PROM1: variants seen among roughly 807,000 people sequenced by gnomAD.
PROM1 encodes prominin 1.
PROM1 carries 105 observed loss-of-function variants against 116.9 expected under a neutral mutation model. The observed-to-expected ratio is 0.90, with a 90% CI of 0.77 to 1.06. The LOEUF (loss-of-function observed/expected upper bound fraction) is 1.06. Ranked by LOEUF, PROM1 falls within the 50% of genes least tolerant of loss-of-function variation. The pLI, the probability that PROM1 is intolerant of heterozygous loss-of-function variation, is 0.00. For synonymous variants in PROM1, 393 were observed against 387.0 expected (o/e 1.02, Z -0.18); for missense variants, 1,122 against 1,045.2 (o/e 1.07, Z -1.01).
chr4:15,981,568 T>C (rs1577810024), intron 23 of PROM1, among the ~76,000 whole-genome samples: 2 of 137,468 alleles, frequency 1.5e-5, no homozygotes, highest in Non-Finnish European at 3.1e-5. Flanking sequence ...CGAGACTCTA[T>C]CTCAAAAAAA....
intron 11 of PROM1, among the ~76,000 whole-genome samples, chr4:16,012,608 C>T (rs1053312998): frequency 5.9e-5 from 9 of 152,126 alleles, no homozygotes; most frequent in East Asian, 3.9e-4. Flanking sequence ...CGGTGGCTCA[C>T]GCCTATAATC....
At chr4:16,016,917 T>C (rs1728544148) in intron 9 of PROM1, among the ~76,000 whole-genome samples, 5 of 152,138 alleles carry the variant, frequency 3.3e-5, no homozygotes, top group Admixed American at 3.3e-4. Flanking sequence ...TAAATGACAA[T>C]GTGTGATCCT....
chr4:15,984,637 C>A (rs1718865939), intron 22 of PROM1, among the ~76,000 whole-genome samples: 2 of 152,130 alleles, frequency 1.3e-5, no homozygotes, highest in Admixed American at 6.6e-5. Context: ...CTGAGCTCCA[C>A]CTCCTGTCAG....
At chr4:16,012,244 G>A (rs908272844) in intron 11 of PROM1, among the ~76,000 whole-genome samples, 1 of 152,098 alleles carries the variant, frequency 6.6e-6, no homozygotes, top group South Asian at 2.1e-4. Flanking sequence ...TGACCTACCC[G>A]CCTTGGCCTC....
chr4:16,041,769 A>ATATAT (rs1735305259), intron 2 of PROM1, among the ~76,000 whole-genome samples: 2 of 40,136 alleles, frequency 5.0e-5, no homozygotes, highest in African/African-American at 1.6e-4. Context: ...TAAATAAATA[A>ATATAT]ATAAATAAAT....
At chr4:15,988,224 C>T (rs1435996242) in intron 19 of PROM1, among the ~76,000 whole-genome samples, 1 of 152,156 alleles carries the variant, frequency 6.6e-6, no homozygotes, top group Non-Finnish European at 1.5e-5. Flanking sequence ...CTGAAGAAAA[C>T]ATTGGATACA....
In PROM1 at chr4:16,075,958, G is replaced by C. The variant is rs538003889; in HGVS notation, c.-52C>G. 126 of 1,521,584 alleles carry C rather than the reference G, an allele frequency of 8.3e-5. No individual in the cohort carries two copies. The South Asian group carries it at 1.5e-3, about 18-fold the overall frequency. The allele number at this position is 1,521,584 out of a possible 1,614,324, so 94.3% of individuals were successfully genotyped here. A position where few individuals can be genotyped will look rare whatever the true frequency, so the allele number is the denominator to read the frequency against. ...GTAGAACTTGGTGCCTCCTGCCTCAGAGCTTCTGGAAGCCTTGGGGAAGGC... is the reference window on the plus strand; with the variant it reads ...GTAGAACTTGGTGCCTCCTGCCTCACAGCTTCTGGAAGCCTTGGGGAAGGC... On this transcript the variant is annotated 5_prime_UTR_variant, in exon 2 of 28. Coordinates refer to ENST00000447510, the MANE Select transcript of PROM1 (RefSeq NM_006017.3).
chr4:15,985,258 T>G (rs1056931519), intron 22 of PROM1, among the ~76,000 whole-genome samples: 1 of 152,128 alleles, frequency 6.6e-6, no homozygotes, highest in Non-Finnish European at 1.5e-5. Context: ...AACTATATCT[T>G]TTATATAAGG....
chr4:16,012,848 GCGACAGAGCGAGACTCTGTCTCA>G (rs982833219), intron 11 of PROM1, among the ~76,000 whole-genome samples: 9 of 139,048 alleles, frequency 6.5e-5, no homozygotes, highest in Non-Finnish European at 9.1e-5. Context: ...TCCAGCCTGA[GCGACAGAGCGAGACTCTGTCTCA>G]AAAAAAAAAA....
chr4:16,037,824 T>G (rs771945493), intron 3 of PROM1, among the ~76,000 whole-genome samples: 4 of 152,210 alleles, frequency 2.6e-5, no homozygotes, highest in Non-Finnish European at 4.4e-5. Flanking sequence ...AAGACCATTC[T>G]CCTGTTTAGG....
At chr4:16,027,297 A>AACAC (rs144910885) in intron 5 of PROM1, among the ~76,000 whole-genome samples, 183 of 147,230 alleles carry the variant, frequency 1.2e-3, no homozygotes, top group South Asian at 2.6e-3. Context: ...GTGAAGAAGA[A>AACAC]ACACACACAC....
chr4:15,983,374 T>C (rs189976776), intron 23 of PROM1, among the ~76,000 whole-genome samples: 2 of 139,204 alleles, frequency 1.4e-5, no homozygotes. Context: ...CTCAGAAAAT[T>C]TCAGGAATTT....
chr4:16,021,224 T>C (rs1729782904), intron 8 of PROM1, among the ~76,000 whole-genome samples: 1 of 151,114 alleles, frequency 6.6e-6, no homozygotes, highest in African/African-American at 2.4e-5. Flanking sequence ...ACTTTAATAA[T>C]AACACACGAG....
Position 16,013,309 on chromosome 4 carries a change from G to T in PROM1, c.1107C>A (p.Asp369Glu). ...CAGTCGTGGTTTGGCGTTGTACTCTGTCAGGTATATCATTAAGGGATTGAT... is the reference window on the plus strand; with the variant it reads ...CAGTCGTGGTTTGGCGTTGTACTCTTTCAGGTATATCATTAAGGGATTGAT... Reference protein sequence around the residue: ...QGYQSLNDIPDRVQRQTTTVV... With the variant: ...QGYQSLNDIPERVQRQTTTVV... Residue 369 changes from aspartate to glutamate, a missense_variant, in exon 11 of 28, where the codon GAC (aspartate) becomes GAA (glutamate). Asp to Glu is a conservative substitution (Grantham distance 45, BLOSUM62 2). Coordinates refer to ENST00000447510, the MANE Select transcript of PROM1 (RefSeq NM_006017.3). The T allele has an allele frequency of 6.2e-7, 1 of 1,608,556 alleles. No homozygotes were observed. Among genetic ancestry groups the T allele is most frequent in the Non-Finnish European group, 8.5e-7 (1 of 1,174,932 alleles).
intron 26 of PROM1, chr4:15,971,336 A>C (rs1437367308): frequency 4.3e-6 from 2 of 462,706 alleles, no homozygotes; most frequent in Non-Finnish European, 7.8e-6. Context: ...GAATATTCAC[A>C]ATCTAAGGTT....
At chr4:15,991,128 G>T in intron 18 of PROM1, 94 bp downstream of exon 18, 1 of 976,182 alleles carries the variant, frequency 1.0e-6, no homozygotes, top group Non-Finnish European at 1.5e-6. Context: ...ATTACTCACA[G>T]TGTGAGGAAC....
At position 16,052,643 on chromosome 4, in the gene PROM1, G is replaced by C. The variant is rs561171357; in HGVS notation, c.221-13642C>G. ...CAGGTGCACAACACCAACATGCCTG[G>C]CTAATGTTTGTATTTTTTCTAGAAA... On this transcript the variant is annotated intron_variant, in intron 2 of 27. Transcript: ENST00000447510. Among the ~76,000 whole-genome samples, 8 of 152,166 alleles carry C rather than the reference G, an allele frequency of 5.3e-5. No individual in the cohort carries two copies. The South Asian group carries it at 1.7e-3, about 32-fold the overall frequency.
chr4:16,002,244 A>C (rs1454147479), intron 13 of PROM1, among the ~76,000 whole-genome samples: 1 of 152,210 alleles, frequency 6.6e-6, no homozygotes, highest in East Asian at 1.9e-4. Context: ...GGAAGAAAAC[A>C]AAAGAAATAA....
chr4:16,015,461 G>C (rs1728122448), intron 10 of PROM1, among the ~76,000 whole-genome samples: 1 of 151,696 alleles, frequency 6.6e-6, no homozygotes, highest in African/African-American at 2.4e-5. Context: ...AGGCCAAGGG[G>C]GGCAGATCAC....
Sources: gnomAD v4.1 joint callset for allele counts (sites outside exome capture counted in the v4.1 genomes callset) on GRCh38, gnomAD v4.1.1 for gene constraint, MANE v1.5 for transcripts, NCBI Gene and HGNC (gene_info 2026-07-23, HGNC 2026-07-21) for gene names.